Variants in GNG7 observed in about 807,000 individuals in gnomAD.
GNG7 encodes guanine nucleotide-binding protein G(I)/G(S)/G(O) subunit gamma-7.
In GNG7, 1 loss-of-function variant was observed where a neutral mutation model predicts 4.0. The ratio of observed to expected loss-of-function variants is 0.25; its 90% confidence interval spans 0.09 to 1.18. The LOEUF is 1.18. Among genes scored for constraint, GNG7 ranks in the 50% most tolerant of loss-of-function variants. The pLI is 0.50. For missense variants in GNG7, 86 were observed against 91.9 expected, an observed-to-expected ratio of 0.94 and a Z score of 0.26; for synonymous variants, 34 against 36.9, an observed-to-expected ratio of 0.92 and a Z score of 0.29.
chr19:2,637,484 G>A (rs976432465), intron 2 of GNG7, among the ~76,000 whole-genome samples: 6 of 152,102 alleles, frequency 3.9e-5, no homozygotes, highest in South Asian at 2.1e-4. Flanking sequence ...CCCTGTGCCC[G>A]CAGGAGCCAA....
intron 1 of GNG7, among the ~76,000 whole-genome samples, chr19:2,680,571 ATTTTTTTTT>A (rs967188330): frequency 7.9e-6 from 1 of 126,016 alleles, no homozygotes; most frequent in Admixed American, 8.3e-5. Flanking sequence ...AAAATTTACA[ATTTTTTTTT>A]TTTTTTTTTT....
intron 3 of GNG7, chr19:2,538,055 C>A: frequency 2.3e-6 from 1 of 440,026 alleles, no homozygotes. Flanking sequence ...CCAGCCTGGA[C>A]AACAGAGCAA....
chr19:2,523,381 CT>C (rs1978320071), intron 3 of GNG7, among the ~76,000 whole-genome samples: 1 of 151,656 alleles, frequency 6.6e-6, no homozygotes, highest in African/African-American at 2.4e-5. Flanking sequence ...GCAAGACCCC[CT>C]CTCTACAAAA....
chr19:2,612,706 AAT>A lies in GNG7; in HGVS notation c.-78+33516_-78+33517del, dbSNP rs1491408204. Among the ~76,000 whole-genome samples the A allele has an allele frequency of 2.7e-3, 317 of 118,396 alleles. 21 individuals are homozygous for A. Among genetic ancestry groups the A allele is most frequent in the African/African-American group, 0.014 (304 of 21,580 alleles). 77.7% of individuals were successfully genotyped at this position (118,396 alleles called of 152,430 possible). A position where few individuals can be genotyped will look rare whatever the true frequency, so the allele number is the denominator to read the frequency against. ...TTAGAATTTTTTTTTTTTTTTGAGA[AAT>A]TTTTTTTTTTTTTTTGAGAGTCTTG... On this transcript the variant is annotated intron_variant, in intron 2 of 4. Coordinates refer to ENST00000382159, the MANE Select transcript of GNG7 (RefSeq NM_052847.3).
At chr19:2,594,999 AG>A (rs1243386264) in intron 2 of GNG7, 4 of 152,030 alleles carry the variant, frequency 2.6e-5, no homozygotes, top group African/African-American at 9.7e-5. Flanking sequence ...ACGTACCTGT[AG>A]TCCCAGCTAT....
rs1008661907 is a variant in GNG7, at chr19:2,626,231, C to T, written c.-78+19993G>A. 6.6e-6 allele frequency among the ~76,000 whole-genome samples: 1 copy of T among 152,178 alleles called. No homozygotes were observed. Reference sequence around the variant, plus strand: ...CGGGAACGTGAAGCTGATGCTGCTCCCGCCCCAGGCCTGAAGCCGGCCCCC... The same window carrying T: ...CGGGAACGTGAAGCTGATGCTGCTCTCGCCCCAGGCCTGAAGCCGGCCCCC... On this transcript the variant is annotated intron_variant, in intron 2 of 4. Transcript: ENST00000382159. The surrounding 1 kb of genome is among the most constrained non-coding windows in gnomAD (Gnocchi z 5.0).
At chr19:2,692,459 C>T (rs1010282549) in intron 1 of GNG7, among the ~76,000 whole-genome samples, 2 of 151,956 alleles carry the variant, frequency 1.3e-5, no homozygotes, top group South Asian at 2.1e-4. Flanking sequence ...CACGGTGAAA[C>T]CCCATCTCTA....
rs894242612 is a variant in GNG7 at position 2,546,692 on chromosome 19, A to C, written c.-38+8457T>G. On this transcript the variant is annotated intron_variant, in intron 3 of 4. Coordinates refer to ENST00000382159, the MANE Select transcript of GNG7 (RefSeq NM_052847.3). The surrounding 1 kb of genome is among the most constrained non-coding windows in gnomAD (Gnocchi z 6.3). The stretch of plus-strand genomic sequence containing the variant: ...AGAATGAGCCGGCTTGTTCAGACAA[A>C]GAGGCCGCGACGACAGAGGGTGACG... Among the ~76,000 whole-genome samples, 7 of 152,154 alleles carry C rather than the reference A, an allele frequency of 4.6e-5. No individual in the cohort carries two copies. The highest frequency in any genetic ancestry group is 1.7e-4 in the African/African-American group (7 of 41,448).
intron 2 of GNG7, among the ~76,000 whole-genome samples, chr19:2,582,656 A>ATTTTTTTT (rs35625825): frequency 3.7e-4 from 32 of 86,170 alleles, no homozygotes; most frequent in East Asian, 9.7e-4. Context: ...CTAATTGTTA[A>ATTTTTTTT]TTTTTTTTTT....
At chr19:2,664,613 A>AG (rs1278489907) in intron 1 of GNG7, among the ~76,000 whole-genome samples, 1 of 152,160 alleles carries the variant, frequency 6.6e-6, no homozygotes, top group Non-Finnish European at 1.5e-5. Context: ...CTGCACCCTC[A>AG]GTGCTCTAGA....
At chr19:2,524,234 G>A (rs546176536) in intron 3 of GNG7, among the ~76,000 whole-genome samples, 1 of 152,340 alleles carries the variant, frequency 6.6e-6, no homozygotes, top group East Asian at 1.9e-4. Flanking sequence ...CCTGAGCCGT[G>A]CTGGCTTTTC....
At chr19:2,572,873 A>T (rs1980191252) in intron 2 of GNG7, among the ~76,000 whole-genome samples, 1 of 151,660 alleles carries the variant, frequency 6.6e-6, no homozygotes, top group Admixed American at 6.6e-5. Context: ...CTGAGATTAC[A>T]GGTGTGAGCC....
At position 2,657,682 on chromosome 19, in the gene GNG7, T is replaced by C. The variant is rs777542620; in HGVS notation, c.-134-11402A>G. On this transcript the variant is annotated intron_variant, in intron 1 of 4. Coordinates refer to ENST00000382159, the MANE Select transcript of GNG7 (RefSeq NM_052847.3). ...GCCTGGGCAACATAGCAAGACACCA[T>C]CTTTTAAAAAAATTTTGTTTCTGTT... Among the ~76,000 whole-genome samples, 211 of 151,974 alleles carry C rather than the reference T, an allele frequency of 1.4e-3. 1 individual carries two copies. Among genetic ancestry groups the C allele is most frequent in the Non-Finnish European group, 4.9e-4 (33 of 67,982 alleles).
At chr19:2,530,487 G>A (rs182013911) in intron 3 of GNG7, among the ~76,000 whole-genome samples, 1 of 151,226 alleles carries the variant, frequency 6.6e-6, no homozygotes, top group African/African-American at 2.4e-5. Context: ...TTGGGAGGCT[G>A]AGGTGGGAGG....
chr19:2,606,436 C>A (rs1431180408), intron 2 of GNG7, among the ~76,000 whole-genome samples: 1 of 151,790 alleles, frequency 6.6e-6, no homozygotes, highest in African/African-American at 2.4e-5. Context: ...GGGCAGATCA[C>A]CTGAGGTCAG....
chr19:2,647,023 C>T (rs1032790550), intron 1 of GNG7, among the ~76,000 whole-genome samples: 15 of 152,166 alleles, frequency 9.9e-5, no homozygotes, highest in African/African-American at 3.6e-4. Flanking sequence ...TCAGCTGGTA[C>T]GGGCAGTCTC....
At chr19:2,585,452 A>G (rs1980642915) in intron 2 of GNG7, among the ~76,000 whole-genome samples, 1 of 150,796 alleles carries the variant, frequency 6.6e-6, no homozygotes, top group African/African-American at 2.5e-5. Flanking sequence ...AAGAAAAAAT[A>G]GGGCAAGGCA....
intron 3 of GNG7, among the ~76,000 whole-genome samples, chr19:2,536,932 A>ATATTTT (rs137944197): frequency 1.4e-5 from 2 of 146,246 alleles, no homozygotes; most frequent in African/African-American, 5.0e-5. Flanking sequence ...ATATACATAC[A>ATATTTT]TATTTTTATT....
chr19:2,666,293 C>A (rs1983308687), intron 1 of GNG7, among the ~76,000 whole-genome samples: 1 of 152,186 alleles, frequency 6.6e-6, no homozygotes, highest in Admixed American at 6.5e-5. Context: ...CTGCCTCAGC[C>A]TCCCGAGTAG....
Sources: allele counts gnomAD v4.1 joint callset (sites outside exome capture counted in the v4.1 genomes callset), GRCh38; gene constraint gnomAD v4.1.1; non-coding constraint Gnocchi (gnomAD v3.1); transcripts MANE v1.5; gene names NCBI Gene and HGNC (gene_info 2026-07-23, HGNC 2026-07-21).